The following ICA1L variants were observed in gnomAD, a reference collection of about 807,000 sequenced individuals.
ICA1L encodes the protein islet cell autoantigen 1-like protein.
A neutral mutation model predicts 61.3 loss-of-function variants in ICA1L; 50 were observed. The observed-to-expected ratio is 0.82, with a 90% confidence interval of 0.65 to 1.03. The LOEUF is 1.03. Among genes scored for constraint, ICA1L ranks in the 50% least tolerant of loss-of-function variants. The pLI, the probability that ICA1L is intolerant of heterozygous loss-of-function variation, is 0.00. For missense variants in ICA1L, 508 were observed against 556.7 expected (o/e 0.91, Z 0.88); for synonymous variants, 161 against 191.3 (o/e 0.84, Z 1.31).
intron 1 of ICA1L, among the ~76,000 whole-genome samples, chr2:202,860,570 G>A (rs1034666141): frequency 6.6e-6 from 1 of 151,866 alleles, no homozygotes; most frequent in African/African-American, 2.4e-5. Context: ...TGGCCAACAT[G>A]GTGAAACCCC....
chr2:202,842,470 T>C (rs1268326362), intron 1 of ICA1L, among the ~76,000 whole-genome samples: 1 of 152,230 alleles, frequency 6.6e-6, no homozygotes, highest in Admixed American at 6.5e-5. Flanking sequence ...GCACATGGAA[T>C]TTATCATCCC....
chr2:202,871,516 G>GC (rs201496915), intron 1 of ICA1L, 103 bp downstream of exon 1: 1 of 152,268 alleles, frequency 6.6e-6, no homozygotes, highest in South Asian at 2.1e-4. Flanking sequence ...CTCCCGCCGC[G>GC]CCCCCGCCTC....
intron 1 of ICA1L, among the ~76,000 whole-genome samples, chr2:202,856,067 C>T (rs867910902): frequency 6.1e-5 from 7 of 114,972 alleles, no homozygotes; most frequent in Non-Finnish European, 1.0e-4. Context: ...AGCGAGACTC[C>T]GTCTCAAGAA....
At chr2:202,852,853 A>G (rs375541596) in intron 1 of ICA1L, among the ~76,000 whole-genome samples, 15 of 150,524 alleles carry the variant, frequency 1.0e-4, no homozygotes, top group African/African-American at 3.7e-4. Context: ...TGGCCATCAG[A>G]GAAATGCATA....
intron 1 of ICA1L, among the ~76,000 whole-genome samples, chr2:202,837,627 AT>A (rs1226262239): frequency 6.6e-6 from 1 of 151,612 alleles, no homozygotes; most frequent in Non-Finnish European, 1.5e-5. Context: ...TCTAGTCTCT[AT>A]TTATTTCTGC....
intron 4 of ICA1L, 105 bp from the exon 5 acceptor site, chr2:202,820,004 C>G (rs1459844810): frequency 3.6e-6 from 3 of 836,784 alleles, no homozygotes; most frequent in Non-Finnish European, 5.6e-6. Flanking sequence ...GATGAATCTA[C>G]AAGTAAAAAA....
chr2:202,825,503 G>C (rs1366052978), intron 3 of ICA1L, 192 bp downstream of exon 3: 2 of 1,320,206 alleles, frequency 1.5e-6, no homozygotes, highest in Non-Finnish European at 1.9e-6. Context: ...AATAAATCTG[G>C]GTCAGAGGAT....
chr2:202,801,357 T>A (rs1693082075), intron 9 of ICA1L, among the ~76,000 whole-genome samples: 1 of 152,200 alleles, frequency 6.6e-6, no homozygotes, highest in African/African-American at 2.4e-5. Flanking sequence ...TACAGATGCA[T>A]GAAATTGGGA....
intron 1 of ICA1L, among the ~76,000 whole-genome samples, chr2:202,845,729 CA>C (rs1177354385): frequency 6.6e-6 from 1 of 151,822 alleles, no homozygotes; most frequent in Non-Finnish European, 1.5e-5. Flanking sequence ...TAAAATAAAA[CA>C]AATCAATAAT....
At chr2:202,847,544 T>C (rs1450882756) in intron 1 of ICA1L, among the ~76,000 whole-genome samples, 1 of 151,942 alleles carries the variant, frequency 6.6e-6, no homozygotes, top group Non-Finnish European at 1.5e-5. Flanking sequence ...ATCAGTAAAA[T>C]ACGAATAATG....
In ICA1L at chr2:202,777,160, C is replaced by T. The variant is rs139820087; in HGVS notation, c.*2373G>A. Reference sequence around the variant, plus strand: ...CTCTGCCGCCTGGGTTCAAGCAATTCTTCTGCCTCAGCCTCCTGAGTAGCT... The same window carrying T: ...CTCTGCCGCCTGGGTTCAAGCAATTTTTCTGCCTCAGCCTCCTGAGTAGCT... On this transcript the variant is annotated 3_prime_UTR_variant, in exon 13 of 13. Transcript: ENST00000358299. The T allele has an allele frequency of 0.016, 2,266 of 137,876 alleles. 25 individuals carry two copies. The highest frequency in any genetic ancestry group is 0.023 in the Non-Finnish European group (1,557 of 66,296). 8.5% of individuals were successfully genotyped at this position (137,876 alleles called of 1,614,324 possible).
chr2:202,833,993 A>T (rs1694080633), intron 1 of ICA1L, among the ~76,000 whole-genome samples: 1 of 152,158 alleles, frequency 6.6e-6, no homozygotes, highest in Admixed American at 6.6e-5. Context: ...TGTACAACAA[A>T]GGGACTATAG....
At chr2:202,799,082 C>T (rs775840925) in intron 9 of ICA1L, among the ~76,000 whole-genome samples, 3 of 152,120 alleles carry the variant, frequency 2.0e-5, no homozygotes, top group African/African-American at 7.2e-5. Flanking sequence ...ATGCAATAAT[C>T]GTGCAAGTGC....
At chr2:202,786,786 G>C (rs1198731523) in intron 11 of ICA1L, 1 of 445,380 alleles carries the variant, frequency 2.2e-6, no homozygotes, top group Non-Finnish European at 4.5e-6. Context: ...CTGTAATAAT[G>C]AACAAGTAGA....
chr2:202,826,561 G>A (rs1222182486), intron 2 of ICA1L, among the ~76,000 whole-genome samples: 1 of 151,974 alleles, frequency 6.6e-6, no homozygotes, highest in Admixed American at 6.6e-5. Flanking sequence ...AACTTCTACC[G>A]CCTGGGTTCA....
chr2:202,782,117 AG>A (rs771011193), intron 12 of ICA1L, among the ~76,000 whole-genome samples: 60 of 152,198 alleles, frequency 3.9e-4, no homozygotes, highest in Non-Finnish European at 7.4e-4. Flanking sequence ...AGGCCAAGGC[AG>A]GTGGATCACT....
intron 1 of ICA1L, among the ~76,000 whole-genome samples, chr2:202,865,167 A>C (rs1184198936): frequency 1.3e-5 from 2 of 150,636 alleles, no homozygotes; most frequent in African/African-American, 4.9e-5. Context: ...TGTCTTTTAA[A>C]AAAAAAAAAT....
chr2:202,857,071 G>A (rs1694788824), intron 1 of ICA1L, among the ~76,000 whole-genome samples: 1 of 152,156 alleles, frequency 6.6e-6, no homozygotes, highest in African/African-American at 2.4e-5. Context: ...GTAATTTATA[G>A]ATTCAATGCT....
At chr2:202,830,625 C>T (rs1187545537) in intron 1 of ICA1L, among the ~76,000 whole-genome samples, 1 of 152,112 alleles carries the variant, frequency 6.6e-6, no homozygotes, top group East Asian at 1.9e-4. Flanking sequence ...TCGTTATTTC[C>T]AGGCACATCG....
Sources: gnomAD v4.1 joint callset for allele counts (sites outside exome capture counted in the v4.1 genomes callset) on GRCh38, gnomAD v4.1.1 for gene constraint, MANE v1.5 for transcripts, NCBI Gene and HGNC (gene_info 2026-07-23, HGNC 2026-07-21) for gene names.